The following TNIK variants were observed in gnomAD, a reference collection of about 807,000 sequenced individuals.
TNIK encodes TRAF2 and NCK-interacting protein kinase.
In TNIK, 49 loss-of-function variants were observed where a neutral mutation model predicts 191.3. The ratio of observed to expected loss-of-function variants is 0.26; its 90% confidence interval spans 0.20 to 0.32. The LOEUF (loss-of-function observed/expected upper bound fraction) is 0.32. Among genes scored for constraint, TNIK ranks in the 10% least tolerant of loss-of-function variants. TNIK has a pLI of 1.00. For missense variants in TNIK, 1,155 were observed against 1,702.3 expected (o/e 0.68, Z 5.66); for synonymous variants, 594 against 600.9 (o/e 0.99, Z 0.17).
At chr3:171,397,198 G>A (rs985362575) in intron 1 of TNIK, among the ~76,000 whole-genome samples, 19 of 152,168 alleles carry the variant, frequency 1.2e-4, no homozygotes, top group African/African-American at 4.6e-4. Flanking sequence ...TTTGATACAA[G>A]AGTGCGAAGG....
intron 1 of TNIK, among the ~76,000 whole-genome samples, chr3:171,398,862 A>G (rs1425381685): frequency 6.6e-6 from 1 of 152,078 alleles, no homozygotes; most frequent in African/African-American, 2.4e-5. Flanking sequence ...GAAAGAAATA[A>G]TTCTTATTTT....
chr3:171,211,018 A>G, intron 4 of TNIK, 98 bp downstream of exon 4: 5 of 1,463,664 alleles, frequency 3.4e-6, no homozygotes, highest in East Asian at 2.4e-5. Context: ...TGGTTAAAGA[A>G]GGAGTTAATC....
At chr3:171,335,406 G>A (rs754500831) in intron 2 of TNIK, among the ~76,000 whole-genome samples, 9 of 152,094 alleles carry the variant, frequency 5.9e-5, no homozygotes, top group Non-Finnish European at 8.8e-5. Context: ...ATCCTAAAAA[G>A]TTCTCTCATG....
intron 2 of TNIK, among the ~76,000 whole-genome samples, chr3:171,252,801 T>A (rs548046203): frequency 9.9e-5 from 15 of 152,274 alleles, no homozygotes; most frequent in African/African-American, 3.6e-4. Context: ...GAGCACTCGG[T>A]TCCTGGTGAC....
At chr3:171,131,337 CAAAAAAAAAAAAAAAAAAAAAAAAAA>C (rs61728094) in intron 15 of TNIK, among the ~76,000 whole-genome samples, 1 of 23,138 alleles carries the variant, frequency 4.3e-5, no homozygotes, top group African/African-American at 8.7e-5. Flanking sequence ...GACTCCGTCT[CAAAAAAAAAAAAAAAAAAAAAAAAAA>C]AAAAAAAAAA....
At chr3:171,233,840 T>C (rs888212196) in intron 2 of TNIK, among the ~76,000 whole-genome samples, 1 of 152,210 alleles carries the variant, frequency 6.6e-6, no homozygotes, top group Non-Finnish European at 1.5e-5. Context: ...TCCACATATC[T>C]ACATCTGTTT....
chr3:171,116,342 A>G (rs905173059), intron 18 of TNIK, among the ~76,000 whole-genome samples: 1 of 152,228 alleles, frequency 6.6e-6, no homozygotes, highest in South Asian at 2.1e-4. Flanking sequence ...CCGAATGTGT[A>G]AAAACCTGAA....
chr3:171,362,031 T>C (rs1715054862), intron 2 of TNIK, among the ~76,000 whole-genome samples: 1 of 152,100 alleles, frequency 6.6e-6, no homozygotes, highest in Non-Finnish European at 1.5e-5. Context: ...CCTTCACTAA[T>C]CTCACAATAA....
chr3:171,069,744 C>A (rs1718943516), intron 29 of TNIK, among the ~76,000 whole-genome samples: 1 of 152,172 alleles, frequency 6.6e-6, no homozygotes, highest in Non-Finnish European at 1.5e-5. Context: ...ATTTTTTAAC[C>A]ACGCTCTACC....
chr3:171,076,661 C>G (rs61791144), intron 28 of TNIK, among the ~76,000 whole-genome samples: 15,646 of 152,114 alleles, frequency 0.1, 895 homozygotes, highest in Middle Eastern at 0.16. Context: ...TTACAGGTAC[C>G]TATTTTAAAA....
intron 2 of TNIK, among the ~76,000 whole-genome samples, chr3:171,342,894 T>C (rs1380227885): frequency 1.3e-5 from 2 of 152,128 alleles, no homozygotes; most frequent in Non-Finnish European, 2.9e-5. Flanking sequence ...GTTCTTGTAA[T>C]AGTGAGTAAG....
intron 1 of TNIK, 125 bp downstream of exon 1, chr3:171,459,882 G>T: frequency 8.3e-7 from 1 of 1,210,284 alleles, no homozygotes; most frequent in Non-Finnish European, 1.2e-6. Flanking sequence ...GGGAATCCAG[G>T]TTCCCTCCCC....
At chr3:171,255,149 A>G (rs74362761) in intron 2 of TNIK, among the ~76,000 whole-genome samples, 3,102 of 152,260 alleles carry the variant, frequency 0.02, 105 homozygotes, top group African/African-American at 0.071. Flanking sequence ...AATATGTTTT[A>G]TCTGATGCTG....
At chr3:171,202,672 T>G (rs891804258) in intron 4 of TNIK, among the ~76,000 whole-genome samples, 2 of 152,236 alleles carry the variant, frequency 1.3e-5, no homozygotes, top group Admixed American at 6.5e-5. Context: ...ACCCATTAAT[T>G]CATAAAATAG....
intron 27 of TNIK, among the ~76,000 whole-genome samples, chr3:171,081,430 A>G (rs1421600350): frequency 6.6e-6 from 1 of 151,052 alleles, no homozygotes; most frequent in Non-Finnish European, 1.5e-5. Flanking sequence ...ACACATCAGA[A>G]ACTATGAACG....
At chr3:171,427,072 A>G (rs1436596348) in intron 1 of TNIK, among the ~76,000 whole-genome samples, 1 of 152,184 alleles carries the variant, frequency 6.6e-6, no homozygotes, top group Admixed American at 6.5e-5. Flanking sequence ...GACACCATCT[A>G]TTGCTAACAT....
intron 30 of TNIK, 124 bp downstream of exon 30, chr3:171,068,724 C>T (rs955540683): frequency 2.1e-5 from 20 of 952,866 alleles, no homozygotes; most frequent in African/African-American, 1.4e-4. Context: ...TAATGAAGAA[C>T]GAAAGTCCAT....
Position 171,253,273 on chromosome 3 carries a change from G to T in TNIK, c.124-25052C>A, listed in dbSNP as rs1249197370. ...CACTCCAGCCTGGGCAACAAAGCAA[G>T]ACTGTCTCAAAAAAAAAAAAAAGAA... On this transcript the variant is annotated intron_variant, in intron 2 of 32. Coordinates refer to ENST00000436636, the MANE Select transcript of TNIK (RefSeq NM_015028.4). Among the ~76,000 whole-genome samples the T allele has an allele frequency of 4.4e-5, 6 of 135,254 alleles. No individual in the cohort carries two copies. The Admixed American group carries it at 4.5e-4, about 10-fold the overall frequency. 88.7% of individuals were successfully genotyped at this position (135,254 alleles called of 152,430 possible).
chr3:171,448,863 A>T (rs1396976566), intron 1 of TNIK, among the ~76,000 whole-genome samples: 1 of 152,142 alleles, frequency 6.6e-6, no homozygotes, highest in Non-Finnish European at 1.5e-5. Flanking sequence ...TCAACCCATC[A>T]TATACATTAG....
Sources: allele counts gnomAD v4.1 joint callset (sites outside exome capture counted in the v4.1 genomes callset), GRCh38; gene constraint gnomAD v4.1.1; transcripts MANE v1.5; gene names NCBI Gene and HGNC (gene_info 2026-07-23, HGNC 2026-07-21).